Variants in ZDHHC21 observed in about 807,000 individuals in gnomAD.
ZDHHC21 encodes the protein palmitoyltransferase ZDHHC21.
In ZDHHC21, 15 loss-of-function variants were observed where a neutral mutation model predicts 34.6. That is an observed-to-expected ratio of 0.43 (90% CI 0.29 to 0.67). The LOEUF (loss-of-function observed/expected upper bound fraction) is 0.67. Ranked by LOEUF, ZDHHC21 falls within the 30% of genes least tolerant of loss-of-function variation. The pLI, the probability that ZDHHC21 is intolerant of heterozygous loss-of-function variation, is 0.14. For synonymous variants in ZDHHC21, 142 were observed against 101.8 expected (o/e 1.40, Z -2.38); for missense variants, 344 against 327.7 (o/e 1.05, Z -0.38).
chr9:14,622,660 G>A, intron 8 of ZDHHC21: 1 of 985,196 alleles, frequency 1.0e-6, no homozygotes, highest in Non-Finnish European at 1.2e-6. Flanking sequence ...TCATACAGGA[G>A]AAAGAATGTG....
the ZDHHC21 span, among the ~76,000 whole-genome samples, chr9:14,594,509 G>A: frequency 9.2e-5 from 14 of 152,142 alleles, no homozygotes; most frequent in African/African-American, 2.6e-4. Context: ...TATATGTAAC[G>A]AAACAAAGAA....
chr9:14,682,316 C>T (rs1319411835), intron 2 of ZDHHC21, among the ~76,000 whole-genome samples: 1 of 152,114 alleles, frequency 6.6e-6, no homozygotes, highest in African/African-American at 2.4e-5. Context: ...CAGAGACACA[C>T]ATAGGCTCAA....
chr9:14,692,971 G>C (rs987988416), intron 1 of ZDHHC21, among the ~76,000 whole-genome samples: 5 of 151,956 alleles, frequency 3.3e-5, no homozygotes, highest in African/African-American at 1.2e-4. Flanking sequence ...GTTGAGGGAG[G>C]AGCACTTAGC....
intron 7 of ZDHHC21, among the ~76,000 whole-genome samples, chr9:14,658,464 C>CTCT (rs1832703022): frequency 1.5e-5 from 1 of 65,376 alleles, no homozygotes; most frequent in Non-Finnish European, 2.6e-5. Context: ...ATAAACATTT[C>CTCT]TTTTTTTTTT....
chr9:14,638,475 T>C (rs1210057847), intron 8 of ZDHHC21, among the ~76,000 whole-genome samples: 1 of 152,024 alleles, frequency 6.6e-6, no homozygotes, highest in Non-Finnish European at 1.5e-5. Flanking sequence ...TTTCAGGACT[T>C]GGTCTAGATG....
intron 2 of ZDHHC21, among the ~76,000 whole-genome samples, chr9:14,686,828 C>A (rs1449033724): frequency 6.7e-6 from 1 of 150,132 alleles, no homozygotes; most frequent in Non-Finnish European, 1.5e-5. Context: ...CAAAAATAAG[C>A]TGGGCGTGGT....
At chr9:14,668,172 T>C (rs1261714027) in intron 5 of ZDHHC21, among the ~76,000 whole-genome samples, 13 of 123,498 alleles carry the variant, frequency 1.1e-4, no homozygotes, top group Admixed American at 7.8e-4. Flanking sequence ...ACAAAATCAA[T>C]GTACAAAAAT....
At chr9:14,646,770 G>A (rs1339428380) in intron 7 of ZDHHC21, among the ~76,000 whole-genome samples, 5 of 152,004 alleles carry the variant, frequency 3.3e-5, no homozygotes, top group Non-Finnish European at 2.9e-5. Flanking sequence ...CCAAATTACA[G>A]AAAATCCCAG....
At chr9:14,675,596 C>G (rs1299189781) in intron 3 of ZDHHC21, among the ~76,000 whole-genome samples, 1 of 151,874 alleles carries the variant, frequency 6.6e-6, no homozygotes, top group Non-Finnish European at 1.5e-5. Context: ...CTTAGTTCAA[C>G]AAATATTCAC....
At chr9:14,607,815 G>C (rs912328856), downstream of ZDHHC21, among the ~76,000 whole-genome samples, 3 of 152,176 alleles carry the variant, frequency 2.0e-5, no homozygotes, top group African/African-American at 4.8e-5. Flanking sequence ...ATACCAAAAA[G>C]TGAGGATCAC....
chr9:14,590,778 T>G, the ZDHHC21 span, among the ~76,000 whole-genome samples: 10 of 152,128 alleles, frequency 6.6e-5, no homozygotes, highest in African/African-American at 2.4e-4. Context: ...ATAAAGATGC[T>G]ACATGAAAAC....
intron 2 of ZDHHC21, among the ~76,000 whole-genome samples, chr9:14,689,110 C>G (rs939874113): frequency 6.6e-6 from 1 of 152,186 alleles, no homozygotes; most frequent in African/African-American, 2.4e-5. Context: ...TTTTTAAAGT[C>G]TGTGAACTAG....
intron 7 of ZDHHC21, among the ~76,000 whole-genome samples, chr9:14,647,850 CCAGT>C (rs1186656190): frequency 6.6e-6 from 1 of 152,094 alleles, no homozygotes; most frequent in Admixed American, 6.6e-5. Context: ...TAGGAAATCT[CCAGT>C]CAGTTTCCAT....
At chr9:14,588,925 A>G in the ZDHHC21 span, 119,113 of 151,684 alleles carry the variant, frequency 0.79, 47,014 homozygotes, top group African/African-American at 0.86. Flanking sequence ...AGGAAAATGG[A>G]GTACTATCCC....
intron 8 of ZDHHC21, among the ~76,000 whole-genome samples, chr9:14,627,377 G>A (rs868143112): frequency 1.3e-5 from 2 of 152,076 alleles, no homozygotes; most frequent in South Asian, 4.2e-4. Flanking sequence ...AGTATTTAGG[G>A]GGGAAAACAT....
At position 14,688,377 on chromosome 9, in the gene ZDHHC21, A is replaced by G. The variant is rs1030763672; in HGVS notation, c.-176+1960T>C. ...AGATAAGTTTTACTTCTAGTTTTACAAACTCCAGAATGAAACAACGTTTCT... is the reference window on the plus strand; with the variant it reads ...AGATAAGTTTTACTTCTAGTTTTACGAACTCCAGAATGAAACAACGTTTCT... On this transcript the variant is annotated intron_variant, in intron 2 of 9. Coordinates refer to ENST00000380916, the MANE Select transcript of ZDHHC21 (RefSeq NM_178566.6). 3.3e-5 allele frequency among the ~76,000 whole-genome samples: 5 copies of G among 150,910 alleles called. 1 individual carries two copies. Among genetic ancestry groups the G allele is most frequent in the African/African-American group, 1.2e-4 (5 of 40,148 alleles).
intron 5 of ZDHHC21, among the ~76,000 whole-genome samples, chr9:14,670,103 C>T (rs371582160): frequency 3.1e-4 from 47 of 151,970 alleles, no homozygotes; most frequent in South Asian, 1.9e-3. Context: ...CGCTCCACAA[C>T]GAGCCAATTT....
At chr9:14,638,114 C>A (rs1296344809) in intron 8 of ZDHHC21, among the ~76,000 whole-genome samples, 2 of 152,070 alleles carry the variant, frequency 1.3e-5, no homozygotes, top group African/African-American at 4.8e-5. Flanking sequence ...CATTACCTGA[C>A]TTCAAAGTAT....
intron 5 of ZDHHC21, among the ~76,000 whole-genome samples, chr9:14,668,286 A>G (rs1834851492): frequency 7.7e-6 from 1 of 129,780 alleles, no homozygotes; most frequent in African/African-American, 3.0e-5. Flanking sequence ...TAGGAATCCA[A>G]CTTACAAGGG....
Sources: allele counts gnomAD v4.1 joint callset (sites outside exome capture counted in the v4.1 genomes callset), GRCh38; gene constraint gnomAD v4.1.1; transcripts MANE v1.5; gene names NCBI Gene and HGNC (gene_info 2026-07-23, HGNC 2026-07-21).